CYFIP1: variants seen among roughly 807,000 people sequenced by gnomAD.
CYFIP1 encodes cytoplasmic FMR1-interacting protein 1.
In CYFIP1, 58 loss-of-function variants were observed where a neutral mutation model predicts 163.5. That is an observed-to-expected ratio of 0.35 (90% CI 0.29 to 0.44). CYFIP1 has a LOEUF of 0.44. Among genes scored for constraint, CYFIP1 ranks in the 20% least tolerant of loss-of-function variants. The pLI, the probability that CYFIP1 is intolerant of heterozygous loss-of-function variation, is 1.00. For synonymous variants in CYFIP1, 663 were observed against 660.7 expected, an observed-to-expected ratio of 1.00 and a Z score of -0.05; for missense variants, 1,338 against 1,653.8, an observed-to-expected ratio of 0.81 and a Z score of 3.31.
rs577625395 is a variant in CYFIP1 at position 22,940,859 on chromosome 15, G to C, written c.570-1352C>G. Among the ~76,000 whole-genome samples the C allele has an allele frequency of 2.1e-4, 32 of 152,278 alleles. No homozygotes were observed. In the South Asian group the frequency reaches 6.6e-3, roughly 32 times the overall value. On this transcript the variant is annotated intron_variant, in intron 6 of 30. Coordinates refer to ENST00000617928, the MANE Select transcript of CYFIP1 (RefSeq NM_014608.6). ...GTTCAACACCAGCCTGGCCAACATG[G>C]TGAAACCCCATCTCTACTAAAAATA...
rs149031938 is a variant in CYFIP1 at position 22,918,978 on chromosome 15, G to A, written c.1360-120C>T. 4.8e-4 allele frequency: 361 copies of A among 751,790 alleles called. 2 individuals are homozygous for A. The African/African-American group carries it at 5.4e-3, about 11-fold the overall frequency. 46.6% of individuals were successfully genotyped at this position (751,790 alleles called of 1,614,324 possible). ...CAGCACCTTACGCCCTCCCGCGTTC[G>A]TGCCCTGCAGCTGCCCTGCCCCAAA... On this transcript the variant is annotated intron_variant, in intron 13 of 30. Coordinates refer to ENST00000617928, the MANE Select transcript of CYFIP1 (RefSeq NM_014608.6).
intron 23 of CYFIP1, among the ~76,000 whole-genome samples, chr15:22,886,925 T>TTTAA (rs1290026610): frequency 6.6e-6 from 1 of 152,234 alleles, no homozygotes; most frequent in Non-Finnish European, 1.5e-5. Flanking sequence ...TCTCCTTTAC[T>TTTAA]TCTATTAGTC....
intron 30 of CYFIP1, among the ~76,000 whole-genome samples, chr15:22,870,923 C>G (rs1220381965): frequency 1.3e-5 from 2 of 152,210 alleles, no homozygotes; most frequent in African/African-American, 2.4e-5. Context: ...TAAGAACATA[C>G]ACGCAAACAA....
chr15:22,944,536 C>T (rs765237362), intron 5 of CYFIP1, 22 bp downstream of exon 5: 3 of 1,549,346 alleles, frequency 1.9e-6, no homozygotes, highest in African/African-American at 1.4e-5. Flanking sequence ...TTACACCCCC[C>T]CCAGATTATT....
intron 21 of CYFIP1, 86 bp downstream of exon 21, chr15:22,909,108 G>C: frequency 4.3e-6 from 6 of 1,387,438 alleles, no homozygotes; most frequent in Non-Finnish European, 4.9e-6. Context: ...GGCCACGCCC[G>C]ATGAGTGCAT....
intron 1 of CYFIP1, among the ~76,000 whole-genome samples, chr15:22,976,266 T>C (rs2063275323): frequency 6.6e-6 from 1 of 152,118 alleles, no homozygotes; most frequent in African/African-American, 2.4e-5. Flanking sequence ...CAGGCGATTC[T>C]CCTGCTTCAG....
chr15:22,980,709 CG>C (rs578012826), upstream of CYFIP1, among the ~76,000 whole-genome samples: 519 of 152,026 alleles, frequency 3.4e-3, 6 homozygotes, highest in African/African-American at 0.012. Flanking sequence ...CGGGTCAGGG[CG>C]GGGGTTGGCC....
chr15:22,910,618 C>A lies in CYFIP1; in HGVS notation c.2170G>T (p.Asp724Tyr). 1 of 1,614,058 alleles carries A rather than the reference C, an allele frequency of 6.2e-7. No individual in the cohort carries two copies. The highest frequency in any genetic ancestry group is 8.5e-7 in the Non-Finnish European group (1 of 1,179,922). The change falls in exon 20 of 31, where the codon GAT becomes TAT. Residue 724 changes from aspartate (D) to tyrosine (Y), a missense_variant. Physicochemically the swap from Asp to Tyr is radical, Grantham distance 160. Coordinates refer to ENST00000617928, the MANE Select transcript of CYFIP1 (RefSeq NM_014608.6). ...YKVMAGSLLL[D>Y]KRLRSECKNQ... Reference sequence around the variant, plus strand: ...TTGCATTCTGATCGTAACCGTTTATCAAGAAGCAAACTAGTGTAGAAGGAA... The same window carrying A: ...TTGCATTCTGATCGTAACCGTTTATAAAGAAGCAAACTAGTGTAGAAGGAA...
intron 1 of CYFIP1, among the ~76,000 whole-genome samples, chr15:22,972,615 G>T (rs2063140000): frequency 6.6e-6 from 1 of 152,122 alleles, no homozygotes; most frequent in Admixed American, 6.5e-5. Context: ...AAAAGGATAG[G>T]TTCTTCAATA....
At chr15:22,918,041 T>C (rs2061051988) in intron 14 of CYFIP1, 106 bp from the exon 15 acceptor site, 16 of 1,330,470 alleles carry the variant, frequency 1.2e-5, no homozygotes, top group Non-Finnish European at 1.7e-5. Flanking sequence ...ACAGCCCCCA[T>C]GAAAATACAA....
chr15:22,874,875 C>T lies in CYFIP1; in HGVS notation c.3116-231G>A, dbSNP rs566548385. Among the ~76,000 whole-genome samples, 15 of 152,224 alleles carry T rather than the reference C, an allele frequency of 9.9e-5. 1 individual carries two copies. In the South Asian group the frequency reaches 2.7e-3, roughly 27 times the overall value. ...ATTTATTGAATATTCCAAATGTAATCGAAAGCAGAAAATGGCACAATGAGC... is the reference window on the plus strand; with the variant it reads ...ATTTATTGAATATTCCAAATGTAATTGAAAGCAGAAAATGGCACAATGAGC... On this transcript the variant is annotated intron_variant, in intron 27 of 30. Coordinates refer to ENST00000617928, the MANE Select transcript of CYFIP1 (RefSeq NM_014608.6).
chr15:22,976,223 T>C (rs62009542), intron 1 of CYFIP1, among the ~76,000 whole-genome samples: 10,179 of 152,084 alleles, frequency 0.067, 433 homozygotes, highest in East Asian at 0.11. Context: ...AGTGGCGCGA[T>C]CTCGGCTCAC....
intron 1 of CYFIP1, among the ~76,000 whole-genome samples, chr15:22,968,138 A>AAAATAAAT (rs924618528): frequency 6.6e-6 from 1 of 152,172 alleles, no homozygotes; most frequent in Non-Finnish European, 1.5e-5. Context: ...TCCATCTCAA[A>AAAATAAAT]AAATAAATAA....
At position 22,875,126 on chromosome 15, in the gene CYFIP1, TC is replaced by T. The variant is rs889630882; in HGVS notation, c.3115+72del. The T allele has an allele frequency of 4.3e-6, 6 of 1,406,624 alleles. No individual in the cohort carries two copies. The Admixed American group carries it at 5.0e-5, about 12-fold the overall frequency. 87.1% of individuals were successfully genotyped at this position (1,406,624 alleles called of 1,614,324 possible). On this transcript the variant is annotated intron_variant, in intron 27 of 30. Coordinates refer to ENST00000617928, the MANE Select transcript of CYFIP1 (RefSeq NM_014608.6). The stretch of plus-strand genomic sequence containing the variant: ...CACAATCTGCACTGGTCCTTAGCTC[TC>T]CGGTTGCATACAGTGGGCACCACCC...
At chr15:22,939,559 A>C in intron 6 of CYFIP1, 52 bp from the exon 7 acceptor site, 1 of 438,090 alleles carries the variant, frequency 2.3e-6, no homozygotes, top group Admixed American at 4.9e-5. Flanking sequence ...GCCACATTTA[A>C]AAAAAAAAAA....
intron 1 of CYFIP1, among the ~76,000 whole-genome samples, chr15:22,956,934 C>CA (rs1320434276): frequency 6.6e-6 from 1 of 152,248 alleles, no homozygotes; most frequent in Non-Finnish European, 1.5e-5. Flanking sequence ...CACCCTAGGT[C>CA]AAGAGGGAGC....
intron 1 of CYFIP1, among the ~76,000 whole-genome samples, chr15:22,956,076 A>G (rs2062439555): frequency 4.6e-5 from 7 of 152,082 alleles, no homozygotes; most frequent in African/African-American, 1.7e-4. Context: ...GCATGGTGGT[A>G]GGTGCCTGTA....
intron 30 of CYFIP1, among the ~76,000 whole-genome samples, chr15:22,871,345 TGTCA>T (rs977806214): frequency 1.3e-5 from 2 of 152,222 alleles, no homozygotes; most frequent in African/African-American, 4.8e-5. Context: ...ACAATAAAAC[TGTCA>T]GTTACCAAGA....
chr15:22,955,984 G>C (rs554103921), intron 1 of CYFIP1, among the ~76,000 whole-genome samples: 3 of 152,246 alleles, frequency 2.0e-5, no homozygotes, highest in African/African-American at 7.2e-5. Flanking sequence ...TTGGGAGACC[G>C]AGGCTTGAGG....
Sources: allele counts gnomAD v4.1 joint callset (sites outside exome capture counted in the v4.1 genomes callset), GRCh38; gene constraint gnomAD v4.1.1; transcripts MANE v1.5; gene names NCBI Gene and HGNC (gene_info 2026-07-23, HGNC 2026-07-21).